NXPE2: variants seen among roughly 807,000 people sequenced by gnomAD.
NXPE2 encodes the protein NXPE family member 2.
NXPE2 carries 34 observed loss-of-function variants against 34.4 expected under a neutral mutation model. The observed-to-expected ratio is 0.99, with a 90% confidence interval of 0.75 to 1.31. The LOEUF (loss-of-function observed/expected upper bound fraction) is 1.31, where lower values mean the gene tolerates loss of function less well. Ranked by LOEUF, NXPE2 falls within the 40% of genes most tolerant of loss-of-function variation. NXPE2 has a pLI of 0.00. For missense variants in NXPE2, 649 were observed against 672.5 expected (o/e 0.97, Z 0.39); for synonymous variants, 235 against 231.3 (o/e 1.02, Z -0.15).
At chr11:114,623,248 C>T in the NXPE2 span, among the ~76,000 whole-genome samples, 568 of 151,916 alleles carry the variant, frequency 3.7e-3, no homozygotes, top group Middle Eastern at 0.01. Flanking sequence ...CACTGTTTCC[C>T]GGTGGGTAAT....
chr11:114,514,116 C>A, the NXPE2 span, among the ~76,000 whole-genome samples: 3 of 152,196 alleles, frequency 2.0e-5, no homozygotes, highest in Non-Finnish European at 2.9e-5. Context: ...ATGCATTGTT[C>A]TGTGCCTTGC....
the NXPE2 span, among the ~76,000 whole-genome samples, chr11:114,734,402 A>G: frequency 6.6e-6 from 1 of 151,798 alleles, no homozygotes; most frequent in Non-Finnish European, 1.5e-5. Flanking sequence ...GGTAAAGATT[A>G]TTATTCTTAT....
the NXPE2 span, chr11:114,583,113 A>T: frequency 7.5e-7 from 1 of 1,335,944 alleles, no homozygotes; most frequent in East Asian, 2.3e-5. Flanking sequence ...TGAAATTAAC[A>T]TGTTCCTAGT....
chr11:114,720,166 T>A, the NXPE2 span, among the ~76,000 whole-genome samples: 1 of 152,178 alleles, frequency 6.6e-6, no homozygotes. Context: ...AAGAACCCCT[T>A]CAGGAAAATA....
the NXPE2 span, among the ~76,000 whole-genome samples, chr11:114,601,094 T>G: frequency 2.0e-5 from 3 of 151,942 alleles, no homozygotes; most frequent in Admixed American, 1.3e-4. Flanking sequence ...TGCTATTTAC[T>G]TATTTATATT....
the NXPE2 span, among the ~76,000 whole-genome samples, chr11:114,608,806 G>T: frequency 3.1e-3 from 472 of 151,914 alleles, 1 homozygote; most frequent in African/African-American, 0.01. Context: ...AATAAGTGTT[G>T]CCTCGTGGGT....
chr11:114,492,375 A>T, the NXPE2 span, among the ~76,000 whole-genome samples: 3 of 152,070 alleles, frequency 2.0e-5, no homozygotes, highest in Non-Finnish European at 4.4e-5. Context: ...TTCAGTTTTA[A>T]AAAAGTCTTT....
intron 2 of NXPE2, among the ~76,000 whole-genome samples, chr11:114,695,080 T>C (rs1014961993): frequency 1.3e-5 from 2 of 152,156 alleles, no homozygotes; most frequent in Non-Finnish European, 2.9e-5. Flanking sequence ...TTTATATTTA[T>C]ATGTTTAGGA....
At chr11:114,602,269 T>C in the NXPE2 span, among the ~76,000 whole-genome samples, 2 of 118,340 alleles carry the variant, frequency 1.7e-5, no homozygotes, top group African/African-American at 6.8e-5. Context: ...ATATAATATA[T>C]ATTATACTAT....
At chr11:114,621,349 G>A in the NXPE2 span, among the ~76,000 whole-genome samples, 18 of 151,980 alleles carry the variant, frequency 1.2e-4, no homozygotes, top group African/African-American at 3.1e-4. Flanking sequence ...GTGTTGCCTC[G>A]TTAGTAAATA....
the NXPE2 span, among the ~76,000 whole-genome samples, chr11:114,755,543 G>A: frequency 2.6e-5 from 4 of 152,118 alleles, no homozygotes; most frequent in Non-Finnish European, 5.9e-5. Flanking sequence ...AACCATAGCT[G>A]GGAAAACCAC....
chr11:114,752,458 A>G, the NXPE2 span, among the ~76,000 whole-genome samples: 11 of 152,364 alleles, frequency 7.2e-5, no homozygotes, highest in South Asian at 4.1e-4. Context: ...TGATTCCTTT[A>G]TCACTATCAA....
the NXPE2 span, among the ~76,000 whole-genome samples, chr11:114,802,043 G>C: frequency 6.6e-6 from 1 of 152,310 alleles, no homozygotes; most frequent in East Asian, 1.9e-4. Flanking sequence ...ATCACCAAGA[G>C]AGTGAATAGA....
the NXPE2 span, chr11:114,582,587 CAG>C: frequency 1.1e-5 from 18 of 1,614,192 alleles, no homozygotes; most frequent in East Asian, 2.5e-4. Flanking sequence ...GCAGCAGAGA[CAG>C]AGAGACCTGG....
the NXPE2 span, among the ~76,000 whole-genome samples, chr11:114,719,633 TG>T: frequency 2.6e-5 from 4 of 152,230 alleles, no homozygotes; most frequent in Non-Finnish European, 5.9e-5. Flanking sequence ...CCAGGCCTAA[TG>T]GACAATCTGC....
At chr11:114,587,378 C>A in the NXPE2 span, among the ~76,000 whole-genome samples, 14 of 152,160 alleles carry the variant, frequency 9.2e-5, no homozygotes, top group Non-Finnish European at 1.5e-4. Context: ...TACTTTAGTA[C>A]AGGACATAAT....
chr11:114,693,778 A>G (rs1436627589), intron 2 of NXPE2, among the ~76,000 whole-genome samples: 2 of 152,254 alleles, frequency 1.3e-5, no homozygotes, highest in Non-Finnish European at 2.9e-5. Context: ...GAAATCAGGC[A>G]AAACCCTGAG....
chr11:114,621,261 C>A, the NXPE2 span, among the ~76,000 whole-genome samples: 10 of 152,150 alleles, frequency 6.6e-5, no homozygotes, highest in East Asian at 1.9e-3. Flanking sequence ...ATACGTGTTG[C>A]CTCATGGGTA....
the NXPE2 span, among the ~76,000 whole-genome samples, chr11:114,801,056 T>C: frequency 2.1e-5 from 1 of 48,034 alleles, no homozygotes; most frequent in Non-Finnish European, 6.5e-5. Flanking sequence ...CTTTTATTCA[T>C]TCAACAAACA....
Sources: allele counts gnomAD v4.1 joint callset (sites outside exome capture counted in the v4.1 genomes callset), GRCh38; gene constraint gnomAD v4.1.1; transcripts MANE v1.5; gene names NCBI Gene and HGNC (gene_info 2026-07-23, HGNC 2026-07-21).